The following NCAM1 variants were observed in gnomAD, a reference collection of about 807,000 sequenced individuals.
NCAM1 encodes antigen recognized by monoclonal antibody 5.1H11.
In NCAM1, 14 loss-of-function variants were observed where a neutral mutation model predicts 109.8. That is an observed-to-expected ratio of 0.13 (90% CI 0.08 to 0.20). The LOEUF is 0.20. Among genes scored for constraint, NCAM1 ranks in the 10% least tolerant of loss-of-function variants. The probability of loss-of-function intolerance (pLI) is 1.00; values close to 1 mark genes in which losing one functional copy is unlikely to be tolerated. For synonymous variants in NCAM1, 418 were observed against 442.9 expected, an observed-to-expected ratio of 0.94 and a Z score of 0.70; for missense variants, 774 against 1,109.9, an observed-to-expected ratio of 0.70 and a Z score of 4.30.
intron 1 of NCAM1, among the ~76,000 whole-genome samples, chr11:113,187,294 C>G (rs12575025): frequency 6.6e-6 from 1 of 152,158 alleles, no homozygotes; most frequent in African/African-American, 2.4e-5. Flanking sequence ...AGAGCCAACC[C>G]TAGAATTGAA....
In NCAM1 at chr11:113,204,453, A is replaced by G; in HGVS notation, c.295A>G (p.Thr99Ala). Residue 99 changes from threonine to alanine, a missense_variant, in exon 3 of 20, where the codon ACA becomes GCA. By Grantham distance (58) the Thr-to-Ala change is moderately conservative. Coordinates refer to ENST00000316851, the MANE Select transcript of NCAM1 (RefSeq NM_181351.5). The stretch of plus-strand genomic sequence containing the variant: ...CGCCGGCATTTACAAGTGTGTGGTT[A>G]CAGGCGAGGATGGCAGTGAGTCAGA... ...DDAGIYKCVV[T>A]GEDGSESEAT... 5 of 1,614,018 alleles carry G rather than the reference A, an allele frequency of 3.1e-6. No homozygotes were observed. The highest frequency in any genetic ancestry group is 4.2e-6 in the Non-Finnish European group (5 of 1,179,888).
chr11:113,009,222 A>G (rs1252149021), intron 1 of NCAM1, among the ~76,000 whole-genome samples: 4 of 151,620 alleles, frequency 2.6e-5, no homozygotes, highest in African/African-American at 9.7e-5. Flanking sequence ...AAATTGGCAA[A>G]CAATTTACCT....
At chr11:113,066,337 A>C (rs1937955277) in intron 1 of NCAM1, among the ~76,000 whole-genome samples, 1 of 152,204 alleles carries the variant, frequency 6.6e-6, no homozygotes, top group Non-Finnish European at 1.5e-5. Flanking sequence ...AGTTGTATTA[A>C]TAGATTTTAA....
intron 17 of NCAM1, chr11:113,262,877 C>CT (rs782334739): frequency 1.1e-5 from 17 of 1,613,928 alleles, no homozygotes; most frequent in Non-Finnish European, 1.4e-5. Flanking sequence ...CATCCTACAC[C>CT]TTTGTCTCAT....
chr11:113,130,779 A>G (rs1490875279), intron 1 of NCAM1: 2 of 152,168 alleles, frequency 1.3e-5, no homozygotes, highest in Non-Finnish European at 2.9e-5. Context: ...AAATGCATTT[A>G]TACCTCCCCA....
In NCAM1 at chr11:113,203,100, G is replaced by A. The variant is rs905997033; in HGVS notation, c.127+647G>A. 1.1e-4 allele frequency among the ~76,000 whole-genome samples: 16 copies of A among 152,290 alleles called. 1 individual carries two copies. In the Middle Eastern group the frequency reaches 0.01, roughly 97 times the overall value. ...CAGAAAATGTCCTGTGGAGGAAAAG[G>A]TTTCAAATTAAGCCTCAGATTCTCT... On this transcript the variant is annotated intron_variant, in intron 2 of 19. Coordinates refer to ENST00000316851, the MANE Select transcript of NCAM1 (RefSeq NM_181351.5).
At chr11:113,170,537 C>G (rs1406926747) in intron 1 of NCAM1, among the ~76,000 whole-genome samples, 4 of 152,086 alleles carry the variant, frequency 2.6e-5, no homozygotes, top group African/African-American at 9.7e-5. Context: ...TTGAAAAGAT[C>G]AAAAGGCTAT....
chr11:112,976,309 T>C (rs1257287480), intron 1 of NCAM1, among the ~76,000 whole-genome samples: 1 of 151,948 alleles, frequency 6.6e-6, no homozygotes, highest in East Asian at 1.9e-4. Context: ...AAATGATGAG[T>C]TCCACTGTGA....
intron 1 of NCAM1, among the ~76,000 whole-genome samples, chr11:113,062,921 T>C (rs1937742653): frequency 6.6e-6 from 1 of 152,010 alleles, no homozygotes; most frequent in Non-Finnish European, 1.5e-5. Flanking sequence ...TGAGCCATGA[T>C]CATACCACTG....
intron 1 of NCAM1, among the ~76,000 whole-genome samples, chr11:113,009,315 T>G (rs1015529806): frequency 1.1e-5 from 1 of 93,636 alleles, no homozygotes; most frequent in African/African-American, 3.8e-5. Context: ...TTTTCGGGTT[T>G]TTTTTTTTTT....
Position 113,277,987 on chromosome 11 carries a change from A to C in NCAM1, c.*2600A>C, listed in dbSNP as rs1485524931. 2 of 150,818 alleles carry C rather than the reference A, an allele frequency of 1.3e-5. No individual in the cohort carries two copies. Among genetic ancestry groups the C allele is most frequent in the South Asian group, 2.1e-4 (1 of 4,682 alleles). 9.3% of individuals were successfully genotyped at this position (150,818 alleles called of 1,614,324 possible). Reference sequence around the variant, plus strand: ...TTCTTTTTTAATTTTTGAAGGAGGGATCAACTCCAGTTTCCAATGTCTATG... The same window carrying C: ...TTCTTTTTTAATTTTTGAAGGAGGGCTCAACTCCAGTTTCCAATGTCTATG... On this transcript the variant is annotated 3_prime_UTR_variant, in exon 20 of 20. Transcript: ENST00000316851.
At chr11:113,204,597 C>G (rs1476304284) in intron 3 of NCAM1, 93 bp downstream of exon 3, 2 of 1,251,034 alleles carry the variant, frequency 1.6e-6, no homozygotes, top group Admixed American at 4.0e-5. Flanking sequence ...ACAGAAGGAC[C>G]AGCTGAGGGC....
At chr11:112,978,423 G>GT (rs1170054493) in intron 1 of NCAM1, among the ~76,000 whole-genome samples, 2 of 151,740 alleles carry the variant, frequency 1.3e-5, no homozygotes, top group Non-Finnish European at 3.0e-5. Context: ...ATAATGGCAT[G>GT]TTTTTTTCTT....
chr11:113,057,015 G>A (rs1221038806), intron 1 of NCAM1, among the ~76,000 whole-genome samples: 1 of 152,176 alleles, frequency 6.6e-6, no homozygotes, highest in Non-Finnish European at 1.5e-5. Flanking sequence ...GAGAAACAAA[G>A]AATACGTATG....
At chr11:113,082,435 TA>T in intron 1 of NCAM1, among the ~76,000 whole-genome samples, 1 of 152,318 alleles carries the variant, frequency 6.6e-6, no homozygotes, top group Middle Eastern at 3.4e-3. Flanking sequence ...CCACAGGGCT[TA>T]GTGGAAATTT....
chr11:113,260,779 C>T (rs1341089603), intron 17 of NCAM1, among the ~76,000 whole-genome samples: 1 of 152,074 alleles, frequency 6.6e-6, no homozygotes, highest in South Asian at 2.1e-4. Flanking sequence ...CTGTGGTGAC[C>T]CTAAGAGAAG....
At position 113,173,591 on chromosome 11, in the gene NCAM1, G is replaced by GATATATATATATATATAT. The variant is rs5794851; in HGVS notation, c.53-28769_53-28752dup. ...TATGACTAATATTAGCATGTTACCTGATATATATATATATATATATATATA... is the reference window on the plus strand; with the variant it reads ...TATGACTAATATTAGCATGTTACCTGATATATATATATATATATATATATATATATATATATATATATA... On this transcript the variant is annotated intron_variant, in intron 1 of 19. Coordinates refer to ENST00000316851, the MANE Select transcript of NCAM1 (RefSeq NM_181351.5). Among the ~76,000 whole-genome samples the GATATATATATATATATAT allele has an allele frequency of 1.7e-3, 212 of 126,604 alleles. 1 individual carries two copies. Among genetic ancestry groups the GATATATATATATATATAT allele is most frequent in the Non-Finnish European group, 2.0e-3 (119 of 59,800 alleles). 83.1% of individuals were successfully genotyped at this position (126,604 alleles called of 152,430 possible).
At chr11:113,265,976 A>G (rs1946126553) in intron 17 of NCAM1, among the ~76,000 whole-genome samples, 1 of 152,150 alleles carries the variant, frequency 6.6e-6, no homozygotes, top group Non-Finnish European at 1.5e-5. Flanking sequence ...GAAGATGGAC[A>G]GCTCCACCTT....
At chr11:113,115,087 A>AC (rs1331261863) in intron 1 of NCAM1, among the ~76,000 whole-genome samples, 2 of 151,888 alleles carry the variant, frequency 1.3e-5, no homozygotes, top group Non-Finnish European at 2.9e-5. Context: ...GACAGTCAGC[A>AC]CCCCCCAGCT....
Sources: gnomAD v4.1 joint callset for allele counts (sites outside exome capture counted in the v4.1 genomes callset) on GRCh38, gnomAD v4.1.1 for gene constraint, MANE v1.5 for transcripts, NCBI Gene and HGNC (gene_info 2026-07-23, HGNC 2026-07-21) for gene names.